The following NEMF variants were observed in gnomAD, a reference collection of about 807,000 sequenced individuals.
NEMF encodes the protein nuclear export mediator factor, also known as ribosome quality control complex subunit NEMF.
A neutral mutation model predicts 162.2 loss-of-function variants in NEMF; 89 were observed. That is an observed-to-expected ratio of 0.55 (90% CI 0.46 to 0.65). The LOEUF (loss-of-function observed/expected upper bound fraction) is 0.65. NEMF is among the 30% of genes least tolerant of loss of function. The pLI is 0.00. For missense variants in NEMF, 1,133 were observed against 1,261.9 expected, an observed-to-expected ratio of 0.90 and a Z score of 1.55; for synonymous variants, 421 against 404.5, an observed-to-expected ratio of 1.04 and a Z score of -0.49.
chr14:49,822,346 A>G (rs1054980756), intron 16 of NEMF, among the ~76,000 whole-genome samples: 1 of 151,538 alleles, frequency 6.6e-6, no homozygotes, highest in African/African-American at 2.4e-5. Flanking sequence ...AAAAAAAAAA[A>G]AGAGGAAAAA....
Position 49,829,045 on chromosome 14 carries a change from C to A in NEMF, c.1232+9G>T. On this transcript the variant is annotated intron_variant, in intron 13 of 32. Coordinates refer to ENST00000298310, the MANE Select transcript of NEMF (RefSeq NM_004713.6). ...AAGCATTAACTGCTTGACTAAGAGT[C>A]AAACTTACCTTAGCAGCATTGTAAC... 6.2e-7 allele frequency: 1 copy of A among 1,611,102 alleles called. No homozygotes were observed. The highest frequency in any genetic ancestry group is 1.1e-5 in the South Asian group (1 of 90,862).
intron 29 of NEMF, chr14:49,786,493 G>C: frequency 3.6e-6 from 2 of 550,720 alleles, no homozygotes; most frequent in Non-Finnish European, 6.4e-6. Flanking sequence ...CTCCTGGGTA[G>C]GGACATTATC....
intron 19 of NEMF, among the ~76,000 whole-genome samples, chr14:49,805,034 C>T (rs1891123890): frequency 6.6e-6 from 1 of 151,910 alleles, no homozygotes. Context: ...CATCTCAAAA[C>T]GAACAAACAA....
chr14:49,840,776 G>T lies in NEMF; in HGVS notation c.448C>A (p.Arg150Ser), dbSNP rs753742777. Residue 150 changes from arginine (R) to serine (S), a missense_variant, in exon 5 of 33, where the codon CGT becomes AGT. By Grantham distance (110) the Arg-to-Ser change is moderately radical (BLOSUM62 -1). Coordinates refer to ENST00000298310, the MANE Select transcript of NEMF (RefSeq NM_004713.6). Reference sequence around the variant, plus strand: ...GCATGATCAAGTGGATAGCGTTCACGAACAGCAAATTTAACATCATCTGCC... The same window carrying T: ...GCATGATCAAGTGGATAGCGTTCACTAACAGCAAATTTAACATCATCTGCC... ...DEADDVKFAV[R>S]ERYPLDHARA... 1 of 1,613,822 alleles carries T rather than the reference G, an allele frequency of 6.2e-7. No homozygotes were observed. The highest frequency in any genetic ancestry group is 1.7e-5 in the Admixed American group (1 of 59,978).
At chr14:49,831,271 T>A in intron 11 of NEMF, 28 bp downstream of exon 11, 1 of 1,297,782 alleles carries the variant, frequency 7.7e-7, no homozygotes. Context: ...GACTAGCTGG[T>A]TTAATATGTG....
At chr14:49,794,743 G>A (rs1382829563) in intron 26 of NEMF, among the ~76,000 whole-genome samples, 11 of 138,384 alleles carry the variant, frequency 7.9e-5, no homozygotes, top group East Asian at 2.2e-4. Context: ...TGAGACAGGC[G>A]AGTCTCGCCA....
intron 19 of NEMF, 145 bp from the exon 20 acceptor site, chr14:49,803,439 A>G (rs1891042815): frequency 3.8e-6 from 2 of 528,634 alleles, no homozygotes; most frequent in East Asian, 3.1e-5. Context: ...TCTCAATACT[A>G]AAGGGAAAGA....
chr14:49,812,550 CCCT>C (rs1891527560), intron 18 of NEMF, among the ~76,000 whole-genome samples: 1 of 152,078 alleles, frequency 6.6e-6, no homozygotes, highest in Non-Finnish European at 1.5e-5. Flanking sequence ...ATAAATTACC[CCCT>C]AAGGGCTGCT....
chr14:49,850,792 A>G (rs1223999145), intron 3 of NEMF, among the ~76,000 whole-genome samples: 2 of 152,180 alleles, frequency 1.3e-5, no homozygotes, highest in Non-Finnish European at 2.9e-5. Context: ...TAGGAAAAAA[A>G]GGTGGGGCAG....
At chr14:49,839,724 T>G (rs1451088041) in intron 5 of NEMF, 1 of 152,164 alleles carries the variant, frequency 6.6e-6, no homozygotes, top group East Asian at 1.9e-4. Flanking sequence ...AAAAACACAT[T>G]GGGCTTGCTT....
At position 49,806,008 on chromosome 14, in the gene NEMF, G is replaced by A; in HGVS notation, c.1857+13C>T. ...CTTAGTAAATTAAGAAAAAGGACAA[G>A]AGCCCTTATTACCTGATGATGGTAC... On this transcript the variant is annotated intron_variant, in intron 19 of 32. Coordinates refer to ENST00000298310, the MANE Select transcript of NEMF (RefSeq NM_004713.6). 6.4e-7 allele frequency: 1 copy of A among 1,563,388 alleles called. No homozygotes were observed. Among genetic ancestry groups the A allele is most frequent in the Non-Finnish European group, 8.8e-7 (1 of 1,138,046 alleles).
chr14:49,819,870 G>A (rs561230873), intron 16 of NEMF, among the ~76,000 whole-genome samples: 31 of 152,156 alleles, frequency 2.0e-4, no homozygotes, highest in African/African-American at 6.3e-4. Context: ...GGTGTAGGAT[G>A]TTGTGATACC....
chr14:49,838,502 A>T (rs936684479), intron 5 of NEMF, among the ~76,000 whole-genome samples: 1 of 152,162 alleles, frequency 6.6e-6, no homozygotes, highest in African/African-American at 2.4e-5. Context: ...TGTAAAAGTT[A>T]AATGTTTGTA....
At chr14:49,831,527 T>C (rs1317748167) in intron 10 of NEMF, among the ~76,000 whole-genome samples, 166 bp from the exon 11 acceptor site, 2 of 151,896 alleles carry the variant, frequency 1.3e-5, no homozygotes, top group Non-Finnish European at 2.9e-5. Flanking sequence ...AACTTCCACC[T>C]CCGAGGTTCA....
chr14:49,785,348 G>A (rs752086421), intron 29 of NEMF, 28 bp from the exon 30 acceptor site: 1 of 1,501,864 alleles, frequency 6.7e-7, no homozygotes, highest in Admixed American at 1.7e-5. Context: ...CAGTTACAAA[G>A]GCAATTTATA....
At chr14:49,822,672 A>T (rs1176306797) in intron 16 of NEMF, among the ~76,000 whole-genome samples, 1 of 3,272 alleles carries the variant, frequency 3.1e-4, no homozygotes, top group East Asian at 0.05. Context: ...TCTACTTAAA[A>T]AAAAAAAAAA....
chr14:49,843,028 A>T (rs1455196922), intron 4 of NEMF, among the ~76,000 whole-genome samples: 1 of 152,110 alleles, frequency 6.6e-6, no homozygotes. Flanking sequence ...AAATAAAAAA[A>T]AAGAAAGAGT....
Position 49,784,226 on chromosome 14 carries a change from C to T in NEMF, c.*410G>A, listed in dbSNP as rs1279052031. The T allele has an allele frequency of 6.6e-6, 1 of 150,576 alleles. No homozygotes were observed. The highest frequency in any genetic ancestry group is 1.4e-5 in the Non-Finnish European group (1 of 69,090). 9.3% of individuals were successfully genotyped at this position (150,576 alleles called of 1,614,324 possible). ...AGTCCTTTTGGTGAATATAGCAAGG[C>T]AATGTTTAGTTCATTTGGCCTGTAA... On this transcript the variant is annotated 3_prime_UTR_variant, in exon 33 of 33. Coordinates refer to ENST00000298310, the MANE Select transcript of NEMF (RefSeq NM_004713.6).
At chr14:49,795,978 T>C in intron 25 of NEMF, 34 bp from the exon 26 acceptor site, 1 of 1,555,500 alleles carries the variant, frequency 6.4e-7, no homozygotes. Context: ...ATTTCATTCT[T>C]AGAATTTGAA....
Sources: allele counts gnomAD v4.1 joint callset (sites outside exome capture counted in the v4.1 genomes callset), GRCh38; gene constraint gnomAD v4.1.1; transcripts MANE v1.5; gene names NCBI Gene and HGNC (gene_info 2026-07-23, HGNC 2026-07-21).